FOXN2: variants seen among roughly 807,000 people sequenced by gnomAD.
FOXN2 encodes the protein forkhead box protein N2.
FOXN2 carries 19 observed loss-of-function variants against 41.2 expected under a neutral mutation model. The ratio of observed to expected loss-of-function variants is 0.46; its 90% confidence interval spans 0.32 to 0.68. The LOEUF is 0.68. FOXN2 is among the 30% of genes least tolerant of loss of function. The pLI, the probability that FOXN2 is intolerant of heterozygous loss-of-function variation, is 0.03. For synonymous variants in FOXN2, 195 were observed against 176.8 expected (o/e 1.10, Z -0.82); for missense variants, 587 against 509.4 (o/e 1.15, Z -1.47).
At chr2:48,323,827 C>T (rs575038312) in intron 1 of FOXN2, among the ~76,000 whole-genome samples, 1 of 152,010 alleles carries the variant, frequency 6.6e-6, no homozygotes, top group East Asian at 1.9e-4. Context: ...AGTTTTTTCT[C>T]GGTTTTCTTC....
At chr2:48,361,350 C>T (rs1179240244) in intron 4 of FOXN2, among the ~76,000 whole-genome samples, 2 of 151,778 alleles carry the variant, frequency 1.3e-5, no homozygotes, top group Non-Finnish European at 2.9e-5. Flanking sequence ...CCTGTAACCC[C>T]AGCTACTCGG....
At chr2:48,365,028 T>G (rs193102268) in intron 5 of FOXN2, among the ~76,000 whole-genome samples, 21 of 152,340 alleles carry the variant, frequency 1.4e-4, no homozygotes, top group Admixed American at 8.5e-4. Flanking sequence ...AGTGGGTTTT[T>G]TTCTTGTAGA....
intron 1 of FOXN2, among the ~76,000 whole-genome samples, chr2:48,315,272 G>A (rs1167438545): frequency 6.6e-6 from 1 of 152,180 alleles, no homozygotes; most frequent in East Asian, 1.9e-4. Context: ...CTGGCTTGAA[G>A]TGGAGCGAGA....
chr2:48,377,640 T>G lies in FOXN2; in HGVS notation c.*2197T>G, dbSNP rs1190414992. On this transcript the variant is annotated 3_prime_UTR_variant, in exon 7 of 7. Coordinates refer to ENST00000340553, the MANE Select transcript of FOXN2 (RefSeq NM_002158.4). Reference sequence around the variant, plus strand: ...CCTTTTTATTCACTCTTCCCACGAATTTAAATGTTTAAGTTATATTCATCA... The same window carrying G: ...CCTTTTTATTCACTCTTCCCACGAAGTTAAATGTTTAAGTTATATTCATCA... The G allele has an allele frequency of 6.6e-6, 1 of 152,096 alleles. No homozygotes were observed. Among genetic ancestry groups the G allele is most frequent in the Non-Finnish European group, 1.5e-5 (1 of 67,920 alleles). The allele number at this position is 152,096 out of a possible 1,614,324, so 9.4% of individuals were successfully genotyped here. A position where few individuals can be genotyped will look rare whatever the true frequency, so the allele number is the denominator to read the frequency against.
chr2:48,341,134 T>C (rs930282914), intron 2 of FOXN2, among the ~76,000 whole-genome samples: 35 of 152,264 alleles, frequency 2.3e-4, no homozygotes, highest in African/African-American at 7.7e-4. Context: ...TGAAATACTG[T>C]TCTTAAAGGA....
chr2:48,370,251 G>A (rs1000203022), intron 5 of FOXN2, among the ~76,000 whole-genome samples: 3 of 152,112 alleles, frequency 2.0e-5, no homozygotes, highest in Admixed American at 1.3e-4. Context: ...GCTAGCGGCT[G>A]CAACTTTTCT....
At chr2:48,327,057 T>C (rs956888839) in intron 1 of FOXN2, among the ~76,000 whole-genome samples, 1 of 152,060 alleles carries the variant, frequency 6.6e-6, no homozygotes, top group Non-Finnish European at 1.5e-5. Context: ...CAGAGGTATT[T>C]CAGATTTAAT....
intron 1 of FOXN2, among the ~76,000 whole-genome samples, chr2:48,319,308 A>G (rs1669135195): frequency 6.6e-6 from 1 of 152,160 alleles, no homozygotes; most frequent in South Asian, 2.1e-4. Context: ...CAAAGTTTTC[A>G]AAGTGATAAT....
chr2:48,314,085 C>G (rs963019602), upstream of FOXN2, among the ~76,000 whole-genome samples: 3 of 152,228 alleles, frequency 2.0e-5, no homozygotes, highest in Non-Finnish European at 4.4e-5. Flanking sequence ...GCCAGAGTAA[C>G]ACTACTTTAA....
intron 1 of FOXN2, among the ~76,000 whole-genome samples, chr2:48,317,701 G>A (rs1669022402): frequency 2.9e-5 from 4 of 137,036 alleles, no homozygotes; most frequent in African/African-American, 5.5e-5. Context: ...TCCACCTCCC[G>A]GGTTCAAGTG....
chr2:48,314,143 A>G (rs1393430434), upstream of FOXN2, among the ~76,000 whole-genome samples: 1 of 152,244 alleles, frequency 6.6e-6, no homozygotes, highest in Non-Finnish European at 1.5e-5. Flanking sequence ...AAGCCCAGGC[A>G]ATGGCGGAAG....
At chr2:48,344,897 A>T (rs550465358) in intron 2 of FOXN2, among the ~76,000 whole-genome samples, 1 of 145,174 alleles carries the variant, frequency 6.9e-6, no homozygotes, top group African/African-American at 2.5e-5. Context: ...ATAGGATAAT[A>T]GTCGGTTTTT....
At chr2:48,365,387 C>T (rs1462147825) in intron 5 of FOXN2, among the ~76,000 whole-genome samples, 1 of 152,152 alleles carries the variant, frequency 6.6e-6, no homozygotes, top group Admixed American at 6.5e-5. Flanking sequence ...GCCAAAATGC[C>T]TTTATCTTTG....
intron 2 of FOXN2, among the ~76,000 whole-genome samples, chr2:48,332,147 T>C (rs1572710322): frequency 6.6e-6 from 1 of 152,188 alleles, no homozygotes; most frequent in African/African-American, 2.4e-5. Context: ...TGCCATTACA[T>C]TTGTTGCTGT....
At chr2:48,345,990 A>T (rs537591142) in intron 2 of FOXN2, among the ~76,000 whole-genome samples, 1 of 152,302 alleles carries the variant, frequency 6.6e-6, no homozygotes, top group East Asian at 1.9e-4. Context: ...ATAAAGCTGC[A>T]CTTTATTTAC....
At chr2:48,355,703 C>T (rs561972687) in intron 3 of FOXN2, among the ~76,000 whole-genome samples, 6 of 152,062 alleles carry the variant, frequency 3.9e-5, no homozygotes, top group South Asian at 2.1e-4. Context: ...TGATGAATGG[C>T]GGTTATCTAG....
Position 48,375,442 on chromosome 2 carries a change from AG to A in FOXN2, c.1296del (p.Ter432=). The A allele has an allele frequency of 6.2e-7, 1 of 1,601,244 alleles. No homozygotes were observed. The highest frequency in any genetic ancestry group is 8.5e-7 in the Non-Finnish European group (1 of 1,174,068). ...CAAAATCAAAAGCAACGGAAAAAAT[AG>A]AAATACTTAAAGTGTGGCAATACTC... ...KTQNQKQRKK[*>X] On this transcript the variant is annotated frameshift_variant and stop_lost, in exon 7 of 7. Transcript: ENST00000340553. LOFTEE classifies it high-confidence loss of function.
intron 1 of FOXN2, among the ~76,000 whole-genome samples, chr2:48,316,290 G>T (rs918330795): frequency 6.6e-6 from 1 of 151,920 alleles, no homozygotes; most frequent in African/African-American, 2.4e-5. Flanking sequence ...GCATTATTAG[G>T]TACCATCATA....
Position 48,375,662 on chromosome 2 carries a change from T to A in FOXN2, c.*219T>A. 2.4e-6 allele frequency: 1 copy of A among 424,324 alleles called. No homozygotes were observed. Among genetic ancestry groups the A allele is most frequent in the Non-Finnish European group, 4.2e-6 (1 of 239,776 alleles). The allele number at this position is 424,324 out of a possible 1,614,324, so 26.3% of individuals were successfully genotyped here. A position where few individuals can be genotyped will look rare whatever the true frequency, so the allele number is the denominator to read the frequency against. ...GATGTGAAGTCCTAAAAGCATAATT[T>A]TTGTGATAAATGTGTCCAAGATTTG... On this transcript the variant is annotated 3_prime_UTR_variant, in exon 7 of 7. Transcript: ENST00000340553.
Sources: allele counts gnomAD v4.1 joint callset (sites outside exome capture counted in the v4.1 genomes callset), GRCh38; gene constraint gnomAD v4.1.1; transcripts MANE v1.5; gene names NCBI Gene and HGNC (gene_info 2026-07-23, HGNC 2026-07-21).